The following PGPEP1L variants were observed in gnomAD, a reference collection of about 807,000 sequenced individuals.
PGPEP1L encodes the protein pyroglutamyl-peptidase I like.
PGPEP1L carries 7 observed loss-of-function variants against 6.0 expected under a neutral mutation model. That is an observed-to-expected ratio of 1.17 (90% confidence interval 0.66 to 2.19). PGPEP1L has a LOEUF of 2.19. Among genes scored for constraint, PGPEP1L ranks in the 30% most tolerant of loss-of-function variants. The pLI, the probability that PGPEP1L is intolerant of heterozygous loss-of-function variation, is 0.00. For synonymous variants in PGPEP1L, 103 were observed against 83.9 expected, an observed-to-expected ratio of 1.23 and a Z score of -1.24; for missense variants, 209 against 192.5, an observed-to-expected ratio of 1.09 and a Z score of -0.51.
chr15:98,995,349 C>A (rs1256178264), intron 2 of PGPEP1L, among the ~76,000 whole-genome samples: 1 of 152,124 alleles, frequency 6.6e-6, no homozygotes, highest in Non-Finnish European at 1.5e-5. Flanking sequence ...ATATGTATAT[C>A]TAATCTGTCT....
chr15:98,983,169 A>AG lies in PGPEP1L; in HGVS notation c.-141-12012_-141-12011insC, dbSNP rs34300444. Reference sequence around the variant, plus strand: ...AAAGGTTCTCTTGGGAAAAAAAAAAAAAGAAGAATCAAGAGAAACAATTTT... The same window carrying AG: ...AAAGGTTCTCTTGGGAAAAAAAAAAAGAAGAAGAATCAAGAGAAACAATTTT... On this transcript the variant is annotated intron_variant, in intron 2 of 4. Transcript: ENST00000535714. 4.0e-3 allele frequency among the ~76,000 whole-genome samples: 601 copies of AG among 149,656 alleles called. 6 individuals are homozygous for AG. Among genetic ancestry groups the AG allele is most frequent in the Middle Eastern group, 0.011 (3 of 284 alleles).
chr15:98,981,268 G>A (rs542159505), intron 2 of PGPEP1L, among the ~76,000 whole-genome samples: 5 of 151,984 alleles, frequency 3.3e-5, no homozygotes, highest in Non-Finnish European at 5.9e-5. Flanking sequence ...CGAGGCGGGC[G>A]GATCACGAGG....
At chr15:98,982,628 G>C (rs1248112423) in intron 2 of PGPEP1L, among the ~76,000 whole-genome samples, 1 of 150,998 alleles carries the variant, frequency 6.6e-6, no homozygotes, top group African/African-American at 2.4e-5. Context: ...GCTATCATAG[G>C]TGAGGTCTGT....
intron 2 of PGPEP1L, among the ~76,000 whole-genome samples, chr15:98,980,864 A>G (rs1186184777): frequency 6.6e-6 from 1 of 151,998 alleles, no homozygotes; most frequent in Non-Finnish European, 1.5e-5. Context: ...CCTGGGGGGC[A>G]GAGCTTGCAC....
rs1414040369 is a variant in PGPEP1L at position 98,971,123 on chromosome 15, CACT to C, written c.-109_-107del. On this transcript the variant is annotated 5_prime_UTR_variant, in exon 3 of 5. Coordinates refer to ENST00000535714, the MANE Select transcript of PGPEP1L (RefSeq NM_001167902.2). ...GCAGCTCCAGAGTCCGCAGCTGCACCACTGTTTCATTCCCCAGGCCCAGCTTGG... is the reference window on the plus strand; with the variant it reads ...GCAGCTCCAGAGTCCGCAGCTGCACCGTTTCATTCCCCAGGCCCAGCTTGG... 1.2e-6 allele frequency: 2 copies of C among 1,609,432 alleles called. No homozygotes were observed. The highest frequency in any genetic ancestry group is 3.4e-5 in the Admixed American group (2 of 59,594).
chr15:99,000,802 AAG>A (rs1225342399), intron 2 of PGPEP1L, among the ~76,000 whole-genome samples: 7 of 152,218 alleles, frequency 4.6e-5, no homozygotes, highest in African/African-American at 7.2e-5. Flanking sequence ...GGGGCCAGAT[AAG>A]AGAAAAAAAA....
At position 98,993,638 on chromosome 15, in the gene PGPEP1L, G is replaced by A. The variant is rs558493373; in HGVS notation, c.-142+11791C>T. Among the ~76,000 whole-genome samples the A allele has an allele frequency of 5.3e-5, 8 of 151,484 alleles. No homozygotes were observed. In the East Asian group the frequency reaches 1.6e-3, roughly 29 times the overall value. ...TAAACAATGAGAACACATGGACACA[G>A]GGGTGGGGGTGGGCATCACACACCG... On this transcript the variant is annotated intron_variant, in intron 2 of 4. Coordinates refer to ENST00000535714, the MANE Select transcript of PGPEP1L (RefSeq NM_001167902.2).
At chr15:98,976,282 A>G (rs1282413651) in intron 2 of PGPEP1L, among the ~76,000 whole-genome samples, 1 of 152,234 alleles carries the variant, frequency 6.6e-6, no homozygotes, top group Non-Finnish European at 1.5e-5. Flanking sequence ...GGCTTTCACC[A>G]TCACCAACAT....
At chr15:98,979,645 T>A (rs2017627972) in intron 2 of PGPEP1L, among the ~76,000 whole-genome samples, 2 of 36,308 alleles carry the variant, frequency 5.5e-5, no homozygotes, top group Non-Finnish European at 1.3e-4. Flanking sequence ...TTTTTTTTTT[T>A]TTTTTTTTTT....
intron 2 of PGPEP1L, among the ~76,000 whole-genome samples, chr15:98,980,319 T>C (rs1253797055): frequency 6.6e-6 from 1 of 152,140 alleles, no homozygotes; most frequent in East Asian, 1.9e-4. Flanking sequence ...GGAGGCATTG[T>C]CCTAGGATAG....
chr15:98,977,174 T>C (rs187081854), intron 2 of PGPEP1L, among the ~76,000 whole-genome samples: 1 of 152,338 alleles, frequency 6.6e-6, no homozygotes, highest in East Asian at 1.9e-4. Flanking sequence ...TTATTAATTT[T>C]CTCAAAATAT....
chr15:99,000,137 C>G (rs1555472827), intron 2 of PGPEP1L, among the ~76,000 whole-genome samples: 2 of 152,246 alleles, frequency 1.3e-5, no homozygotes, highest in Non-Finnish European at 2.9e-5. Context: ...GGGCCCCGCA[C>G]TGGGAGTGGC....
intron 2 of PGPEP1L, among the ~76,000 whole-genome samples, chr15:98,978,726 A>ATATATATATATTTTTTTTTTTTT (rs1446348988): frequency 3.5e-5 from 3 of 85,236 alleles, no homozygotes; most frequent in Admixed American, 1.4e-4. Context: ...ATATATATAT[A>ATATATATATATTTTTTTTTTTTT]TTTTTTTTTT....
chr15:98,991,008 G>A (rs1161190778), intron 2 of PGPEP1L, among the ~76,000 whole-genome samples: 1 of 152,164 alleles, frequency 6.6e-6, no homozygotes, highest in African/African-American at 2.4e-5. Context: ...ACAAGAGAAA[G>A]CAGTAAAGAT....
In PGPEP1L at chr15:99,003,594, C is replaced by CA. The variant is rs1268703327; in HGVS notation, c.-142+1834dup. ...GTTCTCCCACCATCTGTCTACATGC[C>CA]AATTGTCTTGAGGAGATTTACACAC... On this transcript the variant is annotated intron_variant, in intron 2 of 4. Transcript: ENST00000535714. Among the ~76,000 whole-genome samples, 17 of 152,148 alleles carry CA rather than the reference C, an allele frequency of 1.1e-4. No individual in the cohort carries two copies. The East Asian group carries it at 3.3e-3, about 29-fold the overall frequency.
chr15:98,994,797 CTT>C (rs1325273874), intron 2 of PGPEP1L, among the ~76,000 whole-genome samples: 1 of 152,048 alleles, frequency 6.6e-6, no homozygotes, highest in Non-Finnish European at 1.5e-5. Flanking sequence ...ATAAAAATGT[CTT>C]TGCTTCATTT....
chr15:99,000,778 A>G (rs2017955453), intron 2 of PGPEP1L, among the ~76,000 whole-genome samples: 1 of 152,038 alleles, frequency 6.6e-6, no homozygotes, highest in Non-Finnish European at 1.5e-5. Context: ...TGGACCAATC[A>G]GCAGGATGTG....
At chr15:98,986,493 T>G (rs576778599) in intron 2 of PGPEP1L, among the ~76,000 whole-genome samples, 16 of 152,370 alleles carry the variant, frequency 1.1e-4, no homozygotes, top group Non-Finnish European at 1.6e-4. Context: ...AACACCATAG[T>G]GAGAGGGCAT....
intron 2 of PGPEP1L, among the ~76,000 whole-genome samples, chr15:98,988,031 C>A (rs2017771580): frequency 6.6e-6 from 1 of 152,208 alleles, no homozygotes; most frequent in African/African-American, 2.4e-5. Context: ...CCACCAGGGC[C>A]CTGGGTTTCA....
Sources: allele counts gnomAD v4.1 joint callset (sites outside exome capture counted in the v4.1 genomes callset), GRCh38; gene constraint gnomAD v4.1.1; transcripts MANE v1.5; gene names NCBI Gene and HGNC (gene_info 2026-07-23, HGNC 2026-07-21).